Variants in TRPM6 observed in about 807,000 individuals in gnomAD.
The protein encoded by TRPM6 is transient receptor potential cation channel subfamily M member 6.
Under a neutral mutation model 247.6 loss-of-function variants are expected in TRPM6, and 111 were observed. That is an observed-to-expected ratio of 0.45 (90% confidence interval 0.38 to 0.52). The LOEUF is 0.52. TRPM6 is among the 20% of genes least tolerant of loss of function. The probability of loss-of-function intolerance (pLI) is 0.00; values close to 1 mark genes in which losing one functional copy is unlikely to be tolerated. For synonymous variants in TRPM6, 892 were observed against 853.8 expected (o/e 1.04, Z -0.78); for missense variants, 2,126 against 2,421.5 (o/e 0.88, Z 2.56).
chr9:74,780,182 CAG>C (rs915234102), intron 23 of TRPM6, among the ~76,000 whole-genome samples: 44 of 145,380 alleles, frequency 3.0e-4, no homozygotes, highest in African/African-American at 1.1e-3. Context: ...AAAAAAGTGA[CAG>C]GGGCCAGGCA....
rs1482954572 is a variant in TRPM6, at chr9:74,812,300, G to T, written c.1442C>A (p.Thr481Lys). The change falls in exon 12 of 39, where the codon ACA (threonine) becomes AAA (lysine). Residue 481 changes from threonine to lysine, a missense_variant and splice_region_variant. Thr to Lys is a moderately conservative substitution (Grantham distance 78, BLOSUM62 -1). Around this residue, in one of 3 missense-constraint regions of TRPM6, gnomAD observed 1,082 missense variants for 1,307.9 expected, o/e 0.83. Transcript: ENST00000360774. ...ATTGATGAAATGTTCCATACTCACTGTATTGTAGAGCTCTTCCAGTCGAGG... is the reference window on the plus strand; with the variant it reads ...ATTGATGAAATGTTCCATACTCACTTTATTGTAGAGCTCTTCCAGTCGAGG... Reference protein sequence around the residue: ...TIPRLEELYNTKQGPTNTLLH... With the variant: ...TIPRLEELYNKKQGPTNTLLH... The T allele has an allele frequency of 1.1e-5, 18 of 1,613,500 alleles. No homozygotes were observed. The Admixed American group carries it at 1.7e-4, about 15-fold the overall frequency.
intron 30 of TRPM6, 85 bp downstream of exon 30, chr9:74,750,579 C>A (rs1303419668): frequency 5.1e-6 from 6 of 1,166,354 alleles, no homozygotes; most frequent in Non-Finnish European, 7.8e-6. Flanking sequence ...CTCTCCCTTT[C>A]TGACTAAATT....
At chr9:74,747,827 G>A in intron 31 of TRPM6, 62 bp downstream of exon 31, 1 of 1,358,448 alleles carries the variant, frequency 7.4e-7, no homozygotes, top group East Asian at 2.3e-5. Context: ...CAGCAGGACA[G>A]TGAACCTCGC....
At chr9:74,869,223 C>T (rs1830949371) in intron 1 of TRPM6, among the ~76,000 whole-genome samples, 1 of 152,060 alleles carries the variant, frequency 6.6e-6, no homozygotes, top group African/African-American at 2.4e-5. Context: ...GTAATCCCAG[C>T]ACTTTGGGAG....
chr9:74,782,671 A>C lies in TRPM6; in HGVS notation c.3094+8T>G. ...AATTTCTGCATGACGGTAAAATCCC[A>C]TACACACCATCTATTTCTCCAGCAT... is the stretch of plus-strand genomic sequence containing the variant. On this transcript the variant is annotated splice_region_variant and intron_variant, in intron 22 of 38. Transcript: ENST00000360774. The C allele has an allele frequency of 6.2e-7, 1 of 1,614,004 alleles. No individual in the cohort carries two copies. Among genetic ancestry groups the C allele is most frequent in the Non-Finnish European group, 8.5e-7 (1 of 1,179,852 alleles).
Position 74,739,777 on chromosome 9 carries a change from C to T in TRPM6, c.5433G>A (p.Val1811=). The T allele has an allele frequency of 1.2e-6, 2 of 1,614,084 alleles. No homozygotes were observed. The highest frequency in any genetic ancestry group is 1.7e-6 in the Non-Finnish European group (2 of 1,180,008). ...FIVKSFLPEV[V]RTWHKIFQES... is the part of the protein sequence containing the mutation. ...CCTGGAAGATTTTATGCCATGTCCG[C>T]ACAACCTCAGGAAGAAAGGACTTGA... The change falls in exon 34 of 39, where the codon GTG becomes GTA. Residue 1811 remains valine (V), a synonymous_variant. Transcript: ENST00000360774.
Position 74,746,993 on chromosome 9 carries a change from C to A in TRPM6, c.5083+896G>T, listed in dbSNP as rs559847617. On this transcript the variant is annotated intron_variant, in intron 31 of 38. Coordinates refer to ENST00000360774, the MANE Select transcript of TRPM6 (RefSeq NM_017662.5). ...ATAAGTCGACAAAGAAGTAGAACAG[C>A]CAAAGAAGAAGAGCCTCAAGGAAAC... 1.3e-4 allele frequency among the ~76,000 whole-genome samples: 20 copies of A among 151,886 alleles called. No homozygotes were observed. The East Asian group carries it at 3.9e-3, about 29-fold the overall frequency.
At chr9:74,809,234 C>T (rs1828640783) in intron 13 of TRPM6, among the ~76,000 whole-genome samples, 1 of 152,166 alleles carries the variant, frequency 6.6e-6, no homozygotes, top group South Asian at 2.1e-4. Context: ...GGCAGGAGGG[C>T]TGAGTGGTAG....
chr9:74,874,969 T>A (rs930892748), intron 1 of TRPM6, among the ~76,000 whole-genome samples: 26 of 151,678 alleles, frequency 1.7e-4, no homozygotes, highest in Non-Finnish European at 3.8e-4. Flanking sequence ...TTCGCCATAT[T>A]GGCCAGGCTG....
intron 9 of TRPM6, among the ~76,000 whole-genome samples, chr9:74,817,701 T>A (rs1828988368): frequency 6.7e-6 from 1 of 150,302 alleles, no homozygotes; most frequent in Non-Finnish European, 1.5e-5. Context: ...GGGTGTGCTT[T>A]CATTTTCAAT....
chr9:74,834,185 C>T, intron 5 of TRPM6, 63 bp from the exon 6 acceptor site: 2 of 1,599,496 alleles, frequency 1.3e-6, no homozygotes, highest in African/African-American at 1.3e-5. Flanking sequence ...AAAGAGACTG[C>T]CAGAAACAGA....
intron 38 of TRPM6, among the ~76,000 whole-genome samples, chr9:74,726,494 GAGC>G (rs1825330145): frequency 6.6e-6 from 1 of 152,100 alleles, no homozygotes; most frequent in Admixed American, 6.5e-5. Flanking sequence ...TGGATGACAA[GAGC>G]AAAACTCTGT....
intron 14 of TRPM6, chr9:74,804,914 G>A: frequency 3.3e-6 from 1 of 307,002 alleles, no homozygotes; most frequent in Non-Finnish European, 5.9e-6. Flanking sequence ...AATATTTATG[G>A]AAAATAAAGT....
At chr9:74,734,495 G>A (rs144817014) in intron 36 of TRPM6, among the ~76,000 whole-genome samples, 5 of 152,178 alleles carry the variant, frequency 3.3e-5, no homozygotes, top group Non-Finnish European at 7.4e-5. Context: ...TGGGTGACCT[G>A]GATACCTCCC....
intron 2 of TRPM6, among the ~76,000 whole-genome samples, chr9:74,857,299 C>G (rs866918617): frequency 2.0e-5 from 3 of 152,168 alleles, no homozygotes; most frequent in Admixed American, 1.3e-4. Flanking sequence ...CTATTTCAGT[C>G]ATCTCCAAAG....
At chr9:74,799,110 A>T (rs983178221) in intron 17 of TRPM6, among the ~76,000 whole-genome samples, 1 of 152,166 alleles carries the variant, frequency 6.6e-6, no homozygotes, top group African/African-American at 2.4e-5. Flanking sequence ...TTCTGAAAAC[A>T]ATTATTGTTT....
At chr9:74,781,533 T>G in intron 23 of TRPM6, among the ~76,000 whole-genome samples, 1 of 22,060 alleles carries the variant, frequency 4.5e-5, no homozygotes. Context: ...CAAGACTCTA[T>G]CTCAAAAAAA....
intron 1 of TRPM6, among the ~76,000 whole-genome samples, chr9:74,869,604 A>T (rs1830962084): frequency 6.6e-6 from 1 of 152,138 alleles, no homozygotes; most frequent in African/African-American, 2.4e-5. Flanking sequence ...GGCTCATCAC[A>T]GTACTATTTA....
At chr9:74,873,275 C>T (rs1465925700) in intron 1 of TRPM6, among the ~76,000 whole-genome samples, 3 of 152,208 alleles carry the variant, frequency 2.0e-5, no homozygotes, top group African/African-American at 7.2e-5. Context: ...ATGAGGACCT[C>T]CTTCCCCATG....
Sources: gnomAD v4.1 joint callset for allele counts (sites outside exome capture counted in the v4.1 genomes callset) on GRCh38, gnomAD v4.1.1 for gene constraint, gnomAD v4.1.1 regional missense constraint, MANE v1.5 for transcripts, NCBI Gene and HGNC (gene_info 2026-07-23, HGNC 2026-07-21) for gene names.